Variants in CNKSR2 observed in about 807,000 individuals in gnomAD.
CNKSR2 encodes CNK homolog protein 2.
In CNKSR2, 14 loss-of-function variants were observed where a neutral mutation model predicts 84.4. The observed-to-expected ratio is 0.17, with a 90% CI of 0.11 to 0.26. The LOEUF (loss-of-function observed/expected upper bound fraction) is 0.26, where lower values mean the gene tolerates loss of function less well. Ranked by LOEUF, CNKSR2 falls within the 10% of genes least tolerant of loss-of-function variation. The probability of loss-of-function intolerance (pLI) is 1.00; values close to 1 mark genes in which losing one functional copy is unlikely to be tolerated. For synonymous variants in CNKSR2, 275 were observed against 277.9 expected (o/e 0.99, Z 0.10); for missense variants, 485 against 771.2 (o/e 0.63, Z 4.40).
At chrX:21,411,409 A>G (rs923508544) in intron 1 of CNKSR2, among the ~76,000 whole-genome samples, 1 of 111,741 alleles carries the variant, frequency 8.9e-6, no homozygotes, top group Non-Finnish European at 1.9e-5. Flanking sequence ...AACCAAGTGG[A>G]GATGCCAAGC....
At position 21,567,642 on chromosome X, in the gene CNKSR2, C is replaced by T. The variant is rs1232985561; in HGVS notation, c.1608+4190C>T. The stretch of plus-strand genomic sequence containing the variant: ...CTCATTACAAAGGTTCCAATATGCC[C>T]ATCAGCCAAGCATGTTATGACATTT... On this transcript the variant is annotated intron_variant, in intron 13 of 21. Coordinates refer to ENST00000379510, the MANE Select transcript of CNKSR2 (RefSeq NM_014927.5). 2.7e-5 allele frequency among the ~76,000 whole-genome samples: 3 copies of T among 111,743 alleles called. No individual in the cohort carries two copies. The East Asian group carries it at 8.5e-4, about 32-fold the overall frequency.
intron 11 of CNKSR2, among the ~76,000 whole-genome samples, chrX:21,556,065 G>A (rs1421136358): frequency 9.1e-6 from 1 of 110,353 alleles, no homozygotes; most frequent in African/African-American, 3.3e-5. Context: ...ACTTGCCTTA[G>A]AAGGAAGGAA....
chrX:21,416,551 C>G (rs1213709854), intron 1 of CNKSR2, among the ~76,000 whole-genome samples: 1 of 111,148 alleles, frequency 9.0e-6, no homozygotes, highest in Non-Finnish European at 1.9e-5. Flanking sequence ...ACCTGTGAAG[C>G]CATTAGCTCC....
chrX:21,467,748 C>T (rs2091147199), intron 4 of CNKSR2, among the ~76,000 whole-genome samples: 1 of 110,638 alleles, frequency 9.0e-6, no homozygotes, highest in Admixed American at 9.6e-5. Flanking sequence ...TTGACCACCT[C>T]AATCACCTCA....
At chrX:21,463,250 T>G (rs1469034509) in intron 4 of CNKSR2, among the ~76,000 whole-genome samples, 1 of 111,188 alleles carries the variant, frequency 9.0e-6, no homozygotes, top group Non-Finnish European at 1.9e-5. Flanking sequence ...TGTTGAGGAT[T>G]TTTACATCAG....
At chrX:21,640,118 C>T (rs2092686850) in intron 20 of CNKSR2, among the ~76,000 whole-genome samples, 1 of 111,528 alleles carries the variant, frequency 9.0e-6, no homozygotes, top group Admixed American at 9.6e-5. Flanking sequence ...AATTGTGACT[C>T]GATTACCAGG....
At chrX:21,604,241 G>T (rs1323976077) in intron 18 of CNKSR2, among the ~76,000 whole-genome samples, 1 of 110,093 alleles carries the variant, frequency 9.1e-6, no homozygotes, top group Non-Finnish European at 1.9e-5. Context: ...GAAAACTTTG[G>T]ATTGACGATG....
chrX:21,452,753 C>CTTATT (rs3050694), intron 4 of CNKSR2, among the ~76,000 whole-genome samples: 12,491 of 86,739 alleles, frequency 0.14, 1,598 homozygotes, highest in African/African-American at 0.3. Flanking sequence ...ACAAGCATGA[C>CTTATT]TTATTTTATT....
At chrX:21,410,212 A>G (rs1176917581) in intron 1 of CNKSR2, among the ~76,000 whole-genome samples, 3 of 111,265 alleles carry the variant, frequency 2.7e-5, no homozygotes, top group Non-Finnish European at 5.7e-5. Context: ...CCACACTCCA[A>G]CTAAATCAAA....
At chrX:21,521,072 T>C (rs187049816) in intron 9 of CNKSR2, among the ~76,000 whole-genome samples, 56 of 110,310 alleles carry the variant, frequency 5.1e-4, no homozygotes, top group African/African-American at 1.7e-3. Flanking sequence ...CATAGAGATA[T>C]GAATGGTTAA....
chrX:21,525,651 T>C lies in CNKSR2; in HGVS notation c.958-1216T>C, dbSNP rs373763855. ...CCAGTGACTTACATTGTACTTTCCA[T>C]TGTATTTATGCTTGGCTTTTTAAGC... is the stretch of plus-strand genomic sequence containing the variant. On this transcript the variant is annotated intron_variant, in intron 9 of 21. Transcript: ENST00000379510. Among the ~76,000 whole-genome samples the C allele has an allele frequency of 1.5e-4, 17 of 111,041 alleles. No homozygotes were observed. The East Asian group carries it at 4.5e-3, about 30-fold the overall frequency.
chrX:21,505,726 G>C (rs2091606499), intron 8 of CNKSR2: 1 of 111,090 alleles, frequency 9.0e-6, no homozygotes, highest in Non-Finnish European at 1.9e-5. Context: ...AATGGATAGA[G>C]AGTGTGGTAT....
intron 8 of CNKSR2, among the ~76,000 whole-genome samples, chrX:21,510,312 G>A (rs1413516177): frequency 1.8e-5 from 2 of 110,578 alleles, no homozygotes; most frequent in Non-Finnish European, 3.8e-5. Context: ...GCCTGTGGGT[G>A]TAAAGATGCT....
chrX:21,526,758 G>T, intron 9 of CNKSR2, 109 bp from the exon 10 acceptor site: 1 of 717,421 alleles, frequency 1.4e-6, no homozygotes. Context: ...TGCAGAAATA[G>T]ATAATTTTAA....
chrX:21,391,461 C>G (rs1379388924), intron 1 of CNKSR2, among the ~76,000 whole-genome samples: 2 of 112,378 alleles, frequency 1.8e-5, no homozygotes, highest in African/African-American at 6.5e-5. Context: ...CCAAGGTTTA[C>G]AGCTTGTACC....
chrX:21,399,540 C>T (rs2090161787), intron 1 of CNKSR2, among the ~76,000 whole-genome samples: 1 of 111,601 alleles, frequency 9.0e-6, no homozygotes, highest in Non-Finnish European at 1.9e-5. Context: ...TAAAATAAAA[C>T]ATGTTGCTAC....
intron 4 of CNKSR2, among the ~76,000 whole-genome samples, chrX:21,444,390 G>A (rs1381687694): frequency 9.0e-6 from 1 of 111,330 alleles, no homozygotes; most frequent in Non-Finnish European, 1.9e-5. Flanking sequence ...TGGCAAAATA[G>A]TGTAGTGGGC....
chrX:21,400,061 G>A (rs758144612), intron 1 of CNKSR2, among the ~76,000 whole-genome samples: 2 of 110,384 alleles, frequency 1.8e-5, no homozygotes, highest in South Asian at 3.9e-4. Context: ...GTAGTCAGGG[G>A]GTGATAATAT....
intron 1 of CNKSR2, among the ~76,000 whole-genome samples, chrX:21,395,168 A>G (rs2090104365): frequency 8.9e-6 from 1 of 111,773 alleles, no homozygotes; most frequent in Non-Finnish European, 1.9e-5. Flanking sequence ...TTTGGTCTGC[A>G]TTTGTGTTTT....
Sources: allele counts gnomAD v4.1 joint callset (sites outside exome capture counted in the v4.1 genomes callset), GRCh38; gene constraint gnomAD v4.1.1; transcripts MANE v1.5; gene names NCBI Gene and HGNC (gene_info 2026-07-23, HGNC 2026-07-21).